NHEJ1: variants seen among roughly 807,000 people sequenced by gnomAD.
The protein encoded by NHEJ1 is non-homologous end joining factor 1.
In NHEJ1, 22 loss-of-function variants were observed where a neutral mutation model predicts 39.4. The ratio of observed to expected loss-of-function variants is 0.56; its 90% confidence interval spans 0.40 to 0.80. NHEJ1 has a LOEUF of 0.80. NHEJ1 is among the 30% of genes least tolerant of loss of function. NHEJ1 has a pLI of 0.00. For missense variants in NHEJ1, 329 were observed against 357.1 expected (o/e 0.92, Z 0.63); for synonymous variants, 154 against 135.6 (o/e 1.14, Z -0.94).
chr2:219,085,801 C>G (rs944585738), intron 5 of NHEJ1, among the ~76,000 whole-genome samples: 1 of 150,094 alleles, frequency 6.7e-6, no homozygotes, highest in African/African-American at 2.5e-5. Context: ...TGTATGCAAT[C>G]TAGTCAAGTT....
chr2:219,105,415 T>C (rs944663809), intron 5 of NHEJ1, among the ~76,000 whole-genome samples: 3 of 152,144 alleles, frequency 2.0e-5, no homozygotes, highest in African/African-American at 4.8e-5. Context: ...ATCACAGCAA[T>C]GGGACAGAAG....
intron 4 of NHEJ1, 54 bp downstream of exon 4, chr2:219,147,603 C>G: frequency 6.2e-7 from 1 of 1,612,386 alleles, no homozygotes; most frequent in Non-Finnish European, 8.5e-7. Context: ...TTGCTAAGAC[C>G]CTTTGACTAT....
intron 7 of NHEJ1, 93 bp downstream of exon 7, chr2:219,077,153 G>T: frequency 1.1e-6 from 1 of 912,690 alleles, no homozygotes; most frequent in Non-Finnish European, 1.8e-6. Flanking sequence ...TTTTGAGGCA[G>T]TGCCAATGAA....
At chr2:219,145,136 A>T (rs1386155187) in intron 5 of NHEJ1, among the ~76,000 whole-genome samples, 4 of 152,046 alleles carry the variant, frequency 2.6e-5, no homozygotes, top group Admixed American at 2.6e-4. Flanking sequence ...AATTGCTTGA[A>T]CCTGGGAAAG....
intron 5 of NHEJ1, among the ~76,000 whole-genome samples, chr2:219,142,584 T>A (rs568322379): frequency 2.0e-5 from 3 of 152,180 alleles, no homozygotes; most frequent in Non-Finnish European, 4.4e-5. Flanking sequence ...GGCAACCAGA[T>A]GGAGAGAGCG....
rs11690522 is a variant in NHEJ1, at chr2:219,153,704, T to A, written c.390+3768A>T. 1.4e-4 allele frequency among the ~76,000 whole-genome samples: 14 copies of A among 97,070 alleles called. 1 individual carries two copies. Among genetic ancestry groups the A allele is most frequent in the South Asian group, 3.4e-4 (1 of 2,924 alleles). The allele number at this position is 97,070 out of a possible 152,430, so 63.7% of individuals were successfully genotyped here. Reference sequence around the variant, plus strand: ...AAAAAGAAAGAAAAGGGGGGGGGGGTGGAGAGAGAGAGAGAGAGCAAGCAA... The same window carrying A: ...AAAAAGAAAGAAAAGGGGGGGGGGGAGGAGAGAGAGAGAGAGAGCAAGCAA... On this transcript the variant is annotated intron_variant, in intron 3 of 7. Transcript: ENST00000356853.
chr2:219,140,101 AG>A lies in NHEJ1; in HGVS notation c.588+6578del, dbSNP rs570541204. On this transcript the variant is annotated intron_variant, in intron 5 of 7. Transcript: ENST00000356853. ...TCTGAAGAAAGAACATTCCAGGCAG[AG>A]GGAACAGCCAATGTAAAGGCCTAAA... Among the ~76,000 whole-genome samples the A allele has an allele frequency of 7.2e-5, 11 of 152,380 alleles. No individual in the cohort carries two copies. The South Asian group carries it at 2.3e-3, about 32-fold the overall frequency.
At chr2:219,145,060 CA>C (rs1204972606) in intron 5 of NHEJ1, among the ~76,000 whole-genome samples, 1 of 152,010 alleles carries the variant, frequency 6.6e-6, no homozygotes, top group East Asian at 1.9e-4. Context: ...ACTAAAAATA[CA>C]AAAATTAGCT....
intron 5 of NHEJ1, 44 bp from the exon 6 acceptor site, chr2:219,078,250 T>C (rs1309104183): frequency 2.0e-6 from 3 of 1,510,990 alleles, no homozygotes; most frequent in South Asian, 2.2e-5. Context: ...ACTGTATTGC[T>C]AGAGAAGCGA....
chr2:219,090,606 G>A (rs114407069), intron 5 of NHEJ1, among the ~76,000 whole-genome samples: 39 of 152,234 alleles, frequency 2.6e-4, no homozygotes, highest in African/African-American at 6.7e-4. Context: ...AGCCACACAC[G>A]GGAGCCTTTG....
rs938579687 is a variant in NHEJ1 at position 219,073,134 on chromosome 2, T to C, written c.*3247A>G. On this transcript the variant is annotated 3_prime_UTR_variant, in exon 8 of 8. Coordinates refer to ENST00000356853, the MANE Select transcript of NHEJ1 (RefSeq NM_024782.3). ...TCTCTCCTTCCCCCAGTGCTCACTG[T>C]GGGTGCGCTACACCAGGCCTGTGGA... Among the ~76,000 whole-genome samples the C allele has an allele frequency of 1.3e-5, 2 of 152,128 alleles. No homozygotes were observed. Among genetic ancestry groups the C allele is most frequent in the Non-Finnish European group, 2.9e-5 (2 of 68,014 alleles).
chr2:219,090,347 C>A (rs547814552), intron 5 of NHEJ1, among the ~76,000 whole-genome samples: 1 of 152,268 alleles, frequency 6.6e-6, no homozygotes, highest in South Asian at 2.1e-4. Flanking sequence ...GATATTACTG[C>A]CTGCACTATG....
chr2:219,087,847 G>T (rs922899569), intron 5 of NHEJ1, among the ~76,000 whole-genome samples: 23 of 152,120 alleles, frequency 1.5e-4, no homozygotes, highest in Admixed American at 6.5e-5. Flanking sequence ...TAATGTAGGA[G>T]AAAATACTTG....
intron 3 of NHEJ1, among the ~76,000 whole-genome samples, chr2:219,149,308 C>A (rs2106363330): frequency 6.6e-6 from 1 of 152,302 alleles, no homozygotes; most frequent in African/African-American, 2.4e-5. Flanking sequence ...TTCACCTACA[C>A]AAGGTGTCCA....
rs1401425209 is a variant in NHEJ1, at chr2:219,070,806, G to A, written c.*5575C>T. ...AGATTTAATTCACACCTATGAAAGA[G>A]GGCAACACAACAGACATTACCACTA... On this transcript the variant is annotated 3_prime_UTR_variant, in exon 8 of 8. Coordinates refer to ENST00000356853, the MANE Select transcript of NHEJ1 (RefSeq NM_024782.3). Among the ~76,000 whole-genome samples the A allele has an allele frequency of 6.6e-6, 1 of 152,052 alleles. No individual in the cohort carries two copies. The highest frequency in any genetic ancestry group is 1.5e-5 in the Non-Finnish European group (1 of 68,022).
Position 219,073,932 on chromosome 2 carries a change from C to T in NHEJ1, c.*2449G>A, listed in dbSNP as rs939992627. Among the ~76,000 whole-genome samples, 1 of 152,222 alleles carries T rather than the reference C, an allele frequency of 6.6e-6. No homozygotes were observed. The highest frequency in any genetic ancestry group is 2.1e-4 in the South Asian group (1 of 4,834). ...TGGGGGCCTCAGGGAGGGGCCCAAG[C>T]CAGGGGGCAGGGCTGGAATACAGCC... On this transcript the variant is annotated 3_prime_UTR_variant, in exon 8 of 8. Transcript: ENST00000356853.
chr2:219,129,718 C>T (rs1296886200), intron 5 of NHEJ1, among the ~76,000 whole-genome samples: 2 of 152,224 alleles, frequency 1.3e-5, no homozygotes, highest in Non-Finnish European at 2.9e-5. Flanking sequence ...CAAGAGGCTG[C>T]TCCTCAGGCC....
chr2:219,129,613 C>T (rs1275415086), intron 5 of NHEJ1, among the ~76,000 whole-genome samples: 3 of 152,170 alleles, frequency 2.0e-5, no homozygotes, highest in African/African-American at 7.2e-5. Flanking sequence ...GGGCGGGACT[C>T]CCCCCACTCC....
chr2:219,145,573 C>T (rs923154669), intron 5 of NHEJ1, among the ~76,000 whole-genome samples: 4 of 152,098 alleles, frequency 2.6e-5, no homozygotes, highest in African/African-American at 9.7e-5. Flanking sequence ...ATACATAATA[C>T]CAGATTATAA....
Sources: allele counts gnomAD v4.1 joint callset (sites outside exome capture counted in the v4.1 genomes callset), GRCh38; gene constraint gnomAD v4.1.1; transcripts MANE v1.5; gene names NCBI Gene and HGNC (gene_info 2026-07-23, HGNC 2026-07-21).